Variants in SHC3 observed in about 807,000 individuals in gnomAD.
The protein encoded by SHC3 is SHC-transforming protein 3.
A neutral mutation model predicts 60.4 loss-of-function variants in SHC3; 15 were observed. The observed-to-expected ratio is 0.25, with a 90% CI of 0.17 to 0.38. The LOEUF (loss-of-function observed/expected upper bound fraction) is 0.38, where lower values mean the gene tolerates loss of function less well. Ranked by LOEUF, SHC3 falls within the 10% of genes least tolerant of loss-of-function variation. The pLI, the probability that SHC3 is intolerant of heterozygous loss-of-function variation, is 1.00. For missense variants in SHC3, 677 were observed against 786.1 expected, an observed-to-expected ratio of 0.86 and a Z score of 1.66; for synonymous variants, 294 against 325.9, an observed-to-expected ratio of 0.90 and a Z score of 1.05.
At chr9:89,053,091 C>T (rs555012514) in intron 6 of SHC3, among the ~76,000 whole-genome samples, 1 of 152,336 alleles carries the variant, frequency 6.6e-6, no homozygotes, top group South Asian at 2.1e-4. Flanking sequence ...CTACCATAAG[C>T]GTCCACATGT....
chr9:89,073,296 T>C (rs1192941909), intron 4 of SHC3, among the ~76,000 whole-genome samples: 1 of 152,268 alleles, frequency 6.6e-6, no homozygotes, highest in Non-Finnish European at 1.5e-5. Context: ...TGTGATTGTA[T>C]GTTATCTCTT....
chr9:89,156,635 G>T (rs1291715499), intron 1 of SHC3, among the ~76,000 whole-genome samples: 1 of 151,996 alleles, frequency 6.6e-6, no homozygotes, highest in Non-Finnish European at 1.5e-5. Flanking sequence ...AAAAACCAAA[G>T]ACAACATCTT....
At chr9:89,033,345 T>G (rs766083109) in intron 11 of SHC3, among the ~76,000 whole-genome samples, 6 of 152,214 alleles carry the variant, frequency 3.9e-5, no homozygotes, top group Admixed American at 3.9e-4. Context: ...TAGCTTTTTG[T>G]TTTTTTAAAT....
chr9:89,071,769 C>T (rs1825276383), intron 4 of SHC3, among the ~76,000 whole-genome samples: 1 of 152,180 alleles, frequency 6.6e-6, no homozygotes. Context: ...CAGTCCTCAC[C>T]AGAGGACTCT....
chr9:89,167,758 A>G (rs1423107254), intron 1 of SHC3, among the ~76,000 whole-genome samples: 1 of 152,220 alleles, frequency 6.6e-6, no homozygotes, highest in African/African-American at 2.4e-5. Flanking sequence ...ACATCTATAA[A>G]TTATTATTAT....
chr9:89,019,113 A>T (rs1826155730), intron 11 of SHC3, among the ~76,000 whole-genome samples: 3 of 152,046 alleles, frequency 2.0e-5, no homozygotes, highest in Non-Finnish European at 1.5e-5. Flanking sequence ...CTAACATTAT[A>T]TCTGATACTG....
At chr9:89,175,239 C>A (rs1019467781) in intron 1 of SHC3, among the ~76,000 whole-genome samples, 11 of 152,180 alleles carry the variant, frequency 7.2e-5, no homozygotes, top group Non-Finnish European at 1.6e-4. Flanking sequence ...TGAGGCCCAG[C>A]TGAAAAGAAT....
rs1011627537 is a variant in SHC3, at chr9:89,069,696, C to A, written c.783+1503G>T. Reference sequence around the variant, plus strand: ...AAGCAGCAGGGCCCAAGCCTCTCCACGGCAGCTCGTGCTGGCCCAGGCAGG... The same window carrying A: ...AAGCAGCAGGGCCCAAGCCTCTCCAAGGCAGCTCGTGCTGGCCCAGGCAGG... On this transcript the variant is annotated intron_variant, in intron 5 of 11. Transcript: ENST00000375835. 1.3e-5 allele frequency among the ~76,000 whole-genome samples: 2 copies of A among 152,246 alleles called. 1 individual carries two copies. The highest frequency in any genetic ancestry group is 1.3e-4 in the Admixed American group (2 of 15,294).
intron 2 of SHC3, among the ~76,000 whole-genome samples, chr9:89,096,600 CTTT>C (rs1378644170): frequency 1.3e-5 from 2 of 152,114 alleles, no homozygotes; most frequent in African/African-American, 4.8e-5. Context: ...TTGTACATTT[CTTT>C]GTTTTCTAAA....
Position 89,048,198 on chromosome 9 carries a change from C to T in SHC3, c.963-1204G>A, listed in dbSNP as rs190745336. Among the ~76,000 whole-genome samples the T allele has an allele frequency of 2.7e-5, 4 of 146,270 alleles. No individual in the cohort carries two copies. In the East Asian group the frequency reaches 8.3e-4, roughly 30 times the overall value. Reference sequence around the variant, plus strand: ...GGTGGATGTTGCAGTGAGCTGAGATCGTGCCACTGCATTCCAGCCTGGGCA... The same window carrying T: ...GGTGGATGTTGCAGTGAGCTGAGATTGTGCCACTGCATTCCAGCCTGGGCA... On this transcript the variant is annotated intron_variant, in intron 7 of 11. Coordinates refer to ENST00000375835, the MANE Select transcript of SHC3 (RefSeq NM_016848.6).
chr9:89,102,598 T>C (rs749516884), intron 2 of SHC3, among the ~76,000 whole-genome samples: 16 of 151,852 alleles, frequency 1.1e-4, no homozygotes, highest in Admixed American at 4.6e-4. Flanking sequence ...AATTGGCAGG[T>C]TTTTTTTGTA....
chr9:89,115,215 C>G (rs745446113), intron 1 of SHC3, among the ~76,000 whole-genome samples: 2 of 152,092 alleles, frequency 1.3e-5, no homozygotes, highest in African/African-American at 2.4e-5. Flanking sequence ...TCAATGCCAC[C>G]ACTGATAACC....
chr9:89,056,259 T>A (rs1455706060), intron 6 of SHC3, among the ~76,000 whole-genome samples: 1 of 152,218 alleles, frequency 6.6e-6, no homozygotes. Context: ...TCTTTTTCTT[T>A]TTTTGAGATG....
rs377042654 is a variant in SHC3, at chr9:89,071,303, A to G, written c.730-51T>C. The stretch of plus-strand genomic sequence containing the variant: ...GATGTGCTGTTATCGCCCTTTCCAC[A>G]TTTTGGAAAAGCAACTGTTTGTTGG... On this transcript the variant is annotated intron_variant, in intron 4 of 11. Coordinates refer to ENST00000375835, the MANE Select transcript of SHC3 (RefSeq NM_016848.6). The G allele has an allele frequency of 4.2e-5, 67 of 1,596,896 alleles. No homozygotes were observed. In the South Asian group the frequency reaches 5.7e-4, roughly 14 times the overall value.
At chr9:89,035,862 T>TATATATATATATATATATA (rs1491088730) in intron 11 of SHC3, among the ~76,000 whole-genome samples, 2 of 105,136 alleles carry the variant, frequency 1.9e-5, no homozygotes, top group South Asian at 3.5e-4. Context: ...TGTGTGTGTG[T>TATATATATATATATATATA]GTGTGTGTGT....
intron 2 of SHC3, among the ~76,000 whole-genome samples, chr9:89,087,367 G>A (rs910137944): frequency 6.6e-6 from 1 of 152,158 alleles, no homozygotes; most frequent in African/African-American, 2.4e-5. Context: ...GAAATACTCT[G>A]TGAGACTAAC....
At chr9:89,083,275 G>A (rs1825474858) in intron 2 of SHC3, among the ~76,000 whole-genome samples, 1 of 152,264 alleles carries the variant, frequency 6.6e-6, no homozygotes, top group African/African-American at 2.4e-5. Context: ...TACCTGGTCA[G>A]CAAAGAAGCC....
intron 11 of SHC3, among the ~76,000 whole-genome samples, chr9:89,024,048 A>G (rs1425142575): frequency 1.3e-5 from 2 of 152,152 alleles, no homozygotes; most frequent in Non-Finnish European, 2.9e-5. Flanking sequence ...CTGGCCTAGA[A>G]CAGCAGCTCC....
intron 1 of SHC3, among the ~76,000 whole-genome samples, chr9:89,116,921 T>C (rs370507898): frequency 6.6e-6 from 1 of 152,118 alleles, no homozygotes; most frequent in Admixed American, 6.5e-5. Flanking sequence ...GAATAACAAT[T>C]AACATTGCAG....
Sources: allele counts gnomAD v4.1 joint callset (sites outside exome capture counted in the v4.1 genomes callset), GRCh38; gene constraint gnomAD v4.1.1; transcripts MANE v1.5; gene names NCBI Gene and HGNC (gene_info 2026-07-23, HGNC 2026-07-21).